The following LYST variants were observed in gnomAD, a reference collection of about 807,000 sequenced individuals.
LYST encodes lysosomal trafficking regulator.
A neutral mutation model predicts 413.6 loss-of-function variants in LYST; 192 were observed. That is an observed-to-expected ratio of 0.46 (90% CI 0.41 to 0.52). LYST has a LOEUF of 0.52. Ranked by LOEUF, LYST falls within the 20% of genes least tolerant of loss-of-function variation. LYST has a pLI of 0.00. For synonymous variants in LYST, 1,525 were observed against 1,567.3 expected (o/e 0.97, Z 0.64); for missense variants, 3,815 against 4,499.9 (o/e 0.85, Z 4.35).
At chr1:235,785,680 T>C (rs893158054) in intron 14 of LYST, among the ~76,000 whole-genome samples, 1 of 152,184 alleles carries the variant, frequency 6.6e-6, no homozygotes, top group Non-Finnish European at 1.5e-5. Context: ...TGTTAAGTAG[T>C]CTCACCATGT....
At chr1:235,722,222 C>T (rs1281762464) in intron 39 of LYST, among the ~76,000 whole-genome samples, 3 of 152,124 alleles carry the variant, frequency 2.0e-5, no homozygotes, top group Non-Finnish European at 2.9e-5. Context: ...TAACAAGGTA[C>T]GAGATTATCC....
chr1:235,815,627 T>C (rs1169688498), intron 3 of LYST, among the ~76,000 whole-genome samples: 3 of 152,124 alleles, frequency 2.0e-5, no homozygotes, highest in Non-Finnish European at 4.4e-5. Context: ...CAGTGGCATT[T>C]CCATACATCG....
chr1:235,759,556 A>G lies in LYST; in HGVS notation c.6297T>C (p.His2099=). 1.2e-6 allele frequency: 2 copies of G among 1,613,602 alleles called. No individual in the cohort carries two copies. The highest frequency in any genetic ancestry group is 8.5e-7 in the Non-Finnish European group (1 of 1,179,580). The change falls in exon 23 of 53, where the codon CAT becomes CAC. Residue 2099 remains histidine (H), a synonymous_variant. Coordinates refer to ENST00000389793, the MANE Select transcript of LYST (RefSeq NM_000081.4). ...CTGGTAGGCTTCTAGAACGCAGCAT[A>G]TGGGCGGCCATCTGTTGTGGAATAA... is the stretch of plus-strand genomic sequence containing the variant. ...SNIIPQQMAA[H]MLRSRSLPAF...
At chr1:235,676,923 T>C (rs573646713) in intron 50 of LYST, among the ~76,000 whole-genome samples, 168 bp downstream of exon 50, 1 of 152,266 alleles carries the variant, frequency 6.6e-6, no homozygotes, top group East Asian at 1.9e-4. Flanking sequence ...CCTAAATTGA[T>C]GCACTCAGTC....
chr1:235,816,052 C>A (rs566755408), intron 3 of LYST, among the ~76,000 whole-genome samples: 60 of 141,544 alleles, frequency 4.2e-4, no homozygotes, highest in Non-Finnish European at 7.8e-4. Flanking sequence ...ATCACTTGAA[C>A]CCGGGAGGAG....
intron 1 of LYST, among the ~76,000 whole-genome samples, chr1:235,835,224 A>T (rs1241136891): frequency 2.0e-5 from 3 of 152,158 alleles, no homozygotes; most frequent in African/African-American, 7.2e-5. Context: ...GCCCATAGAG[A>T]TATTTTTAAC....
rs1661645720 is a variant in LYST, at chr1:235,702,754, G to A, written c.10367C>T (p.Thr3456Ile). ...RETREQVKEITYPSPLSWIKG... is the reference protein window; with the variant it reads ...RETREQVKEIIYPSPLSWIKG... ...GAAATCCAAATGACATACCGGATAG[G>A]TGATTTCTTTGACCTGTTCTCGGGT... Residue 3456 changes from threonine (T) to isoleucine (I), a missense_variant, in exon 45 of 53, where the codon ACC (threonine) becomes ATC (isoleucine). Thr to Ile is a moderately conservative substitution (Grantham distance 89). This residue lies in a region of LYST where 866 missense variants were observed against 1,156.0 expected (regional missense o/e 0.75). Transcript: ENST00000389793. 2 of 1,613,500 alleles carry A rather than the reference G, an allele frequency of 1.2e-6. No homozygotes were observed. Among genetic ancestry groups the A allele is most frequent in the South Asian group, 1.1e-5 (1 of 91,070 alleles).
In LYST at chr1:235,757,282, T is replaced by C; in HGVS notation, c.7058A>G (p.Lys2353Arg). 1 of 1,610,858 alleles carries C rather than the reference T, an allele frequency of 6.2e-7. No individual in the cohort carries two copies. The highest frequency in any genetic ancestry group is 8.5e-7 in the Non-Finnish European group (1 of 1,177,432). Residue 2353 changes from lysine to arginine, a missense_variant and splice_region_variant, in exon 24 of 53, where the codon AAA becomes AGA. By Grantham distance (26) the Lys-to-Arg change is conservative (BLOSUM62 2). This residue lies in a region of LYST where 771 missense variants were observed against 837.1 expected (regional missense o/e 0.92). Transcript: ENST00000389793. ...PSPAIQQGVI[K>R]LLDAYFARAS... is the part of the protein sequence containing the mutation. ...AACATATCTAGTATTTGCCCTTACT[T>C]TAATAACACCTTGTTGTATAGCTGG...
Position 235,808,755 on chromosome 1 carries a change from C to T in LYST, c.2063G>A (p.Trp688Ter). The change falls in exon 5 of 53, where the codon TGG (tryptophan) becomes TAG (stop). Residue 688 changes from tryptophan (W) to a stop codon, truncating the protein, a stop_gained. Transcript: ENST00000389793. LOFTEE classifies it high-confidence loss of function. ...LPSSGSEDLL[W>*]KWDALKAYQN... The stretch of plus-strand genomic sequence containing the variant: ...ATAAGCCTTTAAAGCATCCCATTTC[C>T]ACAACAAATCTTCAGATCCACTGCT... 2 of 1,613,934 alleles carry T rather than the reference C, an allele frequency of 1.2e-6. No individual in the cohort carries two copies. The highest frequency in any genetic ancestry group is 1.7e-6 in the Non-Finnish European group (2 of 1,179,978).
At chr1:235,694,428 G>T (rs1660929731) in intron 46 of LYST, among the ~76,000 whole-genome samples, 1 of 152,110 alleles carries the variant, frequency 6.6e-6, no homozygotes, top group Non-Finnish European at 1.5e-5. Context: ...GCTGAATATA[G>T]CTAAATGCAG....
intron 1 of LYST, among the ~76,000 whole-genome samples, chr1:235,878,494 C>T (rs538167721): frequency 5.9e-5 from 9 of 152,266 alleles, no homozygotes; most frequent in African/African-American, 9.6e-5. Context: ...TAATGACGGC[C>T]GCCCTGCTTC....
chr1:235,756,264 T>A (rs771747212), intron 24 of LYST, among the ~76,000 whole-genome samples: 4 of 152,098 alleles, frequency 2.6e-5, no homozygotes, highest in Non-Finnish European at 5.9e-5. Flanking sequence ...ATCTATTTAT[T>A]CCCCTACTAA....
intron 45 of LYST, among the ~76,000 whole-genome samples, chr1:235,698,839 C>T (rs940652817): frequency 6.6e-6 from 1 of 152,076 alleles, no homozygotes; most frequent in African/African-American, 2.4e-5. Context: ...CGCCACTGCA[C>T]TTCAGTCTGG....
intron 25 of LYST, among the ~76,000 whole-genome samples, chr1:235,754,503 G>T (rs1666818947): frequency 6.6e-6 from 1 of 152,026 alleles, no homozygotes; most frequent in African/African-American, 2.4e-5. Flanking sequence ...GGGAGTACAG[G>T]CTTGAGCCAC....
rs774438292 is a variant in LYST, at chr1:235,791,953, C to T, written c.4289G>A (p.Arg1430Gln). The T allele has an allele frequency of 1.5e-5, 25 of 1,614,140 alleles. No homozygotes were observed. Among genetic ancestry groups the T allele is most frequent in the East Asian group, 4.5e-5 (2 of 44,874 alleles). The change falls in exon 12 of 53, where the codon CGA becomes CAA. Residue 1430 changes from arginine (R) to glutamine (Q), a missense_variant. Transcript: ENST00000389793. ...AGCCTCTTTCTTGCTCCGTGAAACT[C>T]GTGCTCTTCTCAATAAACCCATGGC... ...SKAMGLLRRA[R>Q]VSRSKKEADR...
intron 45 of LYST, among the ~76,000 whole-genome samples, chr1:235,698,980 A>C (rs1661327816): frequency 6.6e-6 from 1 of 152,212 alleles, no homozygotes; most frequent in South Asian, 2.1e-4. Context: ...CCAGGAATTC[A>C]TATAAAAGGA....
At chr1:235,734,949 A>C (rs1348316313) in intron 31 of LYST, 2 of 208,034 alleles carry the variant, frequency 9.6e-6, no homozygotes, top group Admixed American at 5.4e-5. Context: ...TATATATGTT[A>C]AAATAGTTCA....
intron 41 of LYST, among the ~76,000 whole-genome samples, chr1:235,715,636 C>T (rs756441216): frequency 6.6e-6 from 1 of 152,008 alleles, no homozygotes; most frequent in Admixed American, 6.6e-5. Flanking sequence ...TTGAGCACTC[C>T]ACCTCCTAAC....
At chr1:235,837,524 G>C (rs1404574024) in intron 1 of LYST, among the ~76,000 whole-genome samples, 1 of 151,846 alleles carries the variant, frequency 6.6e-6, no homozygotes, top group Non-Finnish European at 1.5e-5. Context: ...CTACTTGGGA[G>C]GATGAGGTAT....
Sources: allele counts gnomAD v4.1 joint callset (sites outside exome capture counted in the v4.1 genomes callset), GRCh38; gene constraint gnomAD v4.1.1; regional missense constraint gnomAD v4.1.1; transcripts MANE v1.5; gene names NCBI Gene and HGNC (gene_info 2026-07-23, HGNC 2026-07-21).